FANCC: variants seen among roughly 807,000 people sequenced by gnomAD.
FANCC encodes the protein Fanconi anemia group C protein.
A neutral mutation model predicts 71.3 loss-of-function variants in FANCC; 55 were observed. That is an observed-to-expected ratio of 0.77 (90% CI 0.62 to 0.97). The LOEUF (loss-of-function observed/expected upper bound fraction) is 0.97, where lower values mean the gene tolerates loss of function less well. FANCC is among the 50% of genes least tolerant of loss of function. The pLI is 0.00. For missense variants in FANCC, 678 were observed against 670.9 expected, an observed-to-expected ratio of 1.01 and a Z score of -0.12; for synonymous variants, 275 against 244.9, an observed-to-expected ratio of 1.12 and a Z score of -1.15.
intron 6 of FANCC, among the ~76,000 whole-genome samples, chr9:95,163,775 G>C (rs777650846): frequency 6.6e-6 from 1 of 152,236 alleles, no homozygotes; most frequent in Non-Finnish European, 1.5e-5. Context: ...CTTGAATCCA[G>C]GAGGAGGAGG....
chr9:95,200,242 G>C (rs888705975), intron 4 of FANCC, among the ~76,000 whole-genome samples: 2 of 152,104 alleles, frequency 1.3e-5, no homozygotes, highest in Non-Finnish European at 2.9e-5. Flanking sequence ...GTTCACATTA[G>C]TACCCACCAC....
intron 1 of FANCC, among the ~76,000 whole-genome samples, chr9:95,275,928 G>C (rs748885359): frequency 5.3e-5 from 8 of 152,088 alleles, no homozygotes; most frequent in Non-Finnish European, 8.8e-5. Flanking sequence ...GGAGCAGAGA[G>C]AGAAGGCAAG....
intron 1 of FANCC, among the ~76,000 whole-genome samples, chr9:95,286,447 T>C (rs146704604): frequency 3.6e-4 from 55 of 152,360 alleles, no homozygotes; most frequent in South Asian, 2.5e-3. Context: ...TTTTGAATAC[T>C]GTCATGACCG....
At chr9:95,281,523 C>A (rs1833384262) in intron 1 of FANCC, among the ~76,000 whole-genome samples, 1 of 152,040 alleles carries the variant, frequency 6.6e-6, no homozygotes, top group African/African-American at 2.4e-5. Flanking sequence ...ACCTGTCTTA[C>A]AAGAAATGCT....
chr9:95,151,458 G>A (rs1014148956), intron 6 of FANCC, among the ~76,000 whole-genome samples: 7 of 152,188 alleles, frequency 4.6e-5, no homozygotes, highest in East Asian at 1.9e-4. Flanking sequence ...GCATGTAGCT[G>A]TTCCTCATTC....
At chr9:95,192,152 C>T (rs568768492) in intron 4 of FANCC, among the ~76,000 whole-genome samples, 2 of 152,314 alleles carry the variant, frequency 1.3e-5, no homozygotes, top group Admixed American at 6.5e-5. Context: ...TCGATTCCCA[C>T]GGTGCTTCAG....
chr9:95,132,850 TTTTTGTTACA>T (rs1225878584), intron 8 of FANCC, among the ~76,000 whole-genome samples: 1 of 152,194 alleles, frequency 6.6e-6, no homozygotes, highest in Non-Finnish European at 1.5e-5. Flanking sequence ...TTATCTTTTG[TTTTTGTTACA>T]TTTTGGTAAC....
intron 1 of FANCC, among the ~76,000 whole-genome samples, chr9:95,260,766 T>G (rs566727466): frequency 6.6e-6 from 1 of 151,874 alleles, no homozygotes; most frequent in East Asian, 1.9e-4. Context: ...GAAAAAGTAT[T>G]ATAGTTTATA....
chr9:95,107,272 G>A lies in FANCC; in HGVS notation c.1330-3C>T, dbSNP rs4647542. 2,248 of 1,613,362 alleles carry A rather than the reference G, an allele frequency of 1.4e-3. 35 individuals carry two copies. The African/African-American group carries it at 0.027, about 19-fold the overall frequency. On this transcript the variant is annotated splice_region_variant and splice_polypyrimidine_tract_variant and intron_variant, in intron 13 of 14. Coordinates refer to ENST00000289081, the MANE Select transcript of FANCC (RefSeq NM_000136.3). ...CCCAGCACGGCCTTCACCTGGACCT[G>A]GGCAATAGTATTTCACAGGGGAGAG...
At chr9:95,259,534 A>C (rs1831891813) in intron 1 of FANCC, among the ~76,000 whole-genome samples, 1 of 152,228 alleles carries the variant, frequency 6.6e-6, no homozygotes, top group Admixed American at 6.5e-5. Context: ...CTTATACAAA[A>C]ATTAACTCAA....
chr9:95,243,915 G>A (rs1366531098), intron 3 of FANCC, among the ~76,000 whole-genome samples: 1 of 152,244 alleles, frequency 6.6e-6, no homozygotes, highest in Non-Finnish European at 1.5e-5. Context: ...GGAGTTTCAT[G>A]CCATTCAGCC....
At chr9:95,237,805 AC>A (rs1830409753) in intron 4 of FANCC, among the ~76,000 whole-genome samples, 1 of 152,246 alleles carries the variant, frequency 6.6e-6, no homozygotes, top group Non-Finnish European at 1.5e-5. Flanking sequence ...AGCGTAACAT[AC>A]ACAGTGGATT....
At chr9:95,208,484 C>A (rs1828289393) in intron 4 of FANCC, among the ~76,000 whole-genome samples, 1 of 151,964 alleles carries the variant, frequency 6.6e-6, no homozygotes, top group African/African-American at 2.4e-5. Context: ...AAAAGAAAAG[C>A]CACAGAGTAG....
At chr9:95,189,528 CG>C (rs1554846363) in intron 4 of FANCC, among the ~76,000 whole-genome samples, 5 of 151,546 alleles carry the variant, frequency 3.3e-5, no homozygotes, top group South Asian at 2.1e-4. Flanking sequence ...TCATTAGTTC[CG>C]GGGGGGGAAA....
intron 1 of FANCC, among the ~76,000 whole-genome samples, chr9:95,256,707 C>T (rs148086690): frequency 1.6e-3 from 245 of 152,106 alleles, no homozygotes; most frequent in African/African-American, 5.5e-3. Flanking sequence ...TAAATGTAAA[C>T]GGGCTAAATG....
At chr9:95,151,448 G>A (rs956876528) in intron 6 of FANCC, among the ~76,000 whole-genome samples, 4 of 152,176 alleles carry the variant, frequency 2.6e-5, no homozygotes, top group African/African-American at 9.7e-5. Flanking sequence ...ACAGTATAGA[G>A]CATGTAGCTG....
In FANCC at chr9:95,230,282, A is replaced by G. The variant is rs943055342; in HGVS notation, c.345+10367T>C. Among the ~76,000 whole-genome samples, 8 of 152,268 alleles carry G rather than the reference A, an allele frequency of 5.3e-5. No individual in the cohort carries two copies. The East Asian group carries it at 1.5e-3, about 29-fold the overall frequency. ...CAGTCACACCACCACCTGGAGTGCA[A>G]TCTAACTGTTCCTCATACCAGTGAG... On this transcript the variant is annotated intron_variant, in intron 4 of 14. Coordinates refer to ENST00000289081, the MANE Select transcript of FANCC (RefSeq NM_000136.3).
At chr9:95,303,064 T>C (rs1834849337) in intron 1 of FANCC, among the ~76,000 whole-genome samples, 1 of 152,152 alleles carries the variant, frequency 6.6e-6, no homozygotes, top group Admixed American at 6.5e-5. Flanking sequence ...AAGGCAAGTA[T>C]CTAGAATACG....
intron 11 of FANCC, among the ~76,000 whole-genome samples, chr9:95,116,601 C>T (rs1321466853): frequency 2.6e-5 from 4 of 152,218 alleles, no homozygotes; most frequent in African/African-American, 9.6e-5. Flanking sequence ...CCCTTTCTGG[C>T]TGGCGCAGTC....
Sources: allele counts gnomAD v4.1 joint callset (sites outside exome capture counted in the v4.1 genomes callset), GRCh38; gene constraint gnomAD v4.1.1; transcripts MANE v1.5; gene names NCBI Gene and HGNC (gene_info 2026-07-23, HGNC 2026-07-21).